PRDM16: variants seen among roughly 807,000 people sequenced by gnomAD.
The protein encoded by PRDM16 is histone-lysine N-methyltransferase PRDM16.
PRDM16 carries 23 observed loss-of-function variants against 110.6 expected under a neutral mutation model. The ratio of observed to expected loss-of-function variants is 0.21; its 90% CI spans 0.15 to 0.29. The LOEUF (loss-of-function observed/expected upper bound fraction) is 0.29, where lower values mean the gene tolerates loss of function less well. Ranked by LOEUF, PRDM16 falls within the 10% of genes least tolerant of loss-of-function variation. The pLI is 1.00. For synonymous variants in PRDM16, 799 were observed against 781.8 expected, an observed-to-expected ratio of 1.02 and a Z score of -0.37; for missense variants, 1,615 against 1,794.3, an observed-to-expected ratio of 0.90 and a Z score of 1.81.
At position 3,245,396 on chromosome 1, in the gene PRDM16, G is replaced by A. The variant is rs1293169975; in HGVS notation, c.438+1259G>A. 1.3e-5 allele frequency among the ~76,000 whole-genome samples: 2 copies of A among 152,222 alleles called. No individual in the cohort carries two copies. The highest frequency in any genetic ancestry group is 4.8e-5 in the African/African-American group (2 of 41,448). On this transcript the variant is annotated intron_variant, in intron 3 of 16. Transcript: ENST00000270722. This position sits in a 1 kb window ranked among gnomAD's most constrained non-coding sequence, Gnocchi z 4.7. The stretch of plus-strand genomic sequence containing the variant: ...GGCAGAGCTATCCGCAAAGCACAGG[G>A]GGACCTGACCCTTCTCTCCAGGTTC...
At chr1:3,416,049 G>C (rs1435221711) in intron 10 of PRDM16, among the ~76,000 whole-genome samples, 1 of 152,246 alleles carries the variant, frequency 6.6e-6, no homozygotes, top group Admixed American at 6.5e-5. Context: ...GCCTCGCAGG[G>C]GCGGGAGAAG....
intron 3 of PRDM16, among the ~76,000 whole-genome samples, chr1:3,299,081 T>G (rs778280806): frequency 6.6e-6 from 1 of 152,260 alleles, no homozygotes; most frequent in African/African-American, 2.4e-5. Flanking sequence ...CTCAAGACAC[T>G]GGCTCGGCCC....
chr1:3,105,776 G>T (rs966514687), intron 1 of PRDM16, among the ~76,000 whole-genome samples: 2 of 152,244 alleles, frequency 1.3e-5, no homozygotes, highest in African/African-American at 2.4e-5. Flanking sequence ...CCCTGAGAAC[G>T]GGGCTAGCAG....
At chr1:3,260,783 G>A (rs1194403902) in intron 3 of PRDM16, among the ~76,000 whole-genome samples, 1 of 146,028 alleles carries the variant, frequency 6.8e-6, no homozygotes, top group Non-Finnish European at 1.5e-5. Flanking sequence ...GGGAGATGAT[G>A]ATGATGGCAA....
At chr1:3,085,539 T>A (rs1642129137) in intron 1 of PRDM16, among the ~76,000 whole-genome samples, 1 of 152,234 alleles carries the variant, frequency 6.6e-6, no homozygotes, top group Admixed American at 6.5e-5. Context: ...TGGCACCCAC[T>A]GTTCAAAAGC....
chr1:3,356,380 C>T (rs1642601841), intron 3 of PRDM16, among the ~76,000 whole-genome samples: 1 of 152,198 alleles, frequency 6.6e-6, no homozygotes, highest in Non-Finnish European at 1.5e-5. Flanking sequence ...GCCGTCTCAT[C>T]AGGCGGAGGG....
chr1:3,298,657 T>G (rs551978302), intron 3 of PRDM16, among the ~76,000 whole-genome samples: 13 of 152,128 alleles, frequency 8.5e-5, no homozygotes, highest in South Asian at 4.1e-4. Context: ...CTCTCCTGCT[T>G]GTTCAGTGCC....
chr1:3,417,899 C>T lies in PRDM16; in HGVS notation c.2763C>T (p.Ser921=), dbSNP rs1310673567. 2 of 1,612,900 alleles carry T rather than the reference C, an allele frequency of 1.2e-6. No individual in the cohort carries two copies. The highest frequency in any genetic ancestry group is 2.2e-5 in the East Asian group (1 of 44,876). The change falls in exon 11 of 17, where the codon TCC becomes TCT. Residue 921 remains serine (S), a synonymous_variant. Transcript: ENST00000270722. ...CCATGAAGGCGGACTCGGGCAGCTC[C>T]CTGCAGCCCCTCCCCCACCACCCCT... is the stretch of plus-strand genomic sequence containing the variant. ...FAAMKADSGS[S]LQPLPHHPFN...
At chr1:3,088,895 G>T (rs1284476145) in intron 1 of PRDM16, among the ~76,000 whole-genome samples, 1 of 152,008 alleles carries the variant, frequency 6.6e-6, no homozygotes, top group East Asian at 1.9e-4. Flanking sequence ...CGATTCTTCT[G>T]CCTCAGCCTC....
intron 1 of PRDM16, among the ~76,000 whole-genome samples, chr1:3,164,279 C>G (rs1449507572): frequency 6.6e-6 from 1 of 152,216 alleles, no homozygotes; most frequent in Non-Finnish European, 1.5e-5. Flanking sequence ...GGTTGGCGAA[C>G]AGTGTAATAG....
rs10909908 is a variant in PRDM16 at position 3,243,361 on chromosome 1, T to G, written c.388-726T>G. On this transcript the variant is annotated intron_variant, in intron 2 of 16. Transcript: ENST00000270722. The surrounding 1 kb of genome is among the most constrained non-coding windows in gnomAD (Gnocchi z 5.5). Reference sequence around the variant, plus strand: ...GGGAGTGAAGAGCCAGTTAAAACACTCCCACCTCTGATTTGCCAAAAAAAA... The same window carrying G: ...GGGAGTGAAGAGCCAGTTAAAACACGCCCACCTCTGATTTGCCAAAAAAAA... 6.1e-4 allele frequency among the ~76,000 whole-genome samples: 77 copies of G among 125,276 alleles called. No homozygotes were observed. Among genetic ancestry groups the G allele is most frequent in the African/African-American group, 2.2e-3 (71 of 31,938 alleles). 82.2% of individuals were successfully genotyped at this position (125,276 alleles called of 152,430 possible).
At chr1:3,096,739 G>A in intron 1 of PRDM16, among the ~76,000 whole-genome samples, 1 of 152,126 alleles carries the variant, frequency 6.6e-6, no homozygotes, top group Non-Finnish European at 1.5e-5. Context: ...ATGGTGAGTG[G>A]GCCCTCTCCC....
intron 1 of PRDM16, among the ~76,000 whole-genome samples, chr1:3,162,938 C>T (rs1483174340): frequency 8.2e-6 from 1 of 122,548 alleles, no homozygotes; most frequent in South Asian, 3.2e-4. Context: ...AGGGGATGTG[C>T]GCAGAAGCCC....
chr1:3,351,532 C>CCTTCTCTCTCCCCTTCCCTCTCT, intron 3 of PRDM16, among the ~76,000 whole-genome samples: 1 of 2,724 alleles, frequency 3.7e-4, no homozygotes. Context: ...CCGTCTCTGT[C>CCTTCTCTCTCCCCTTCCCTCTCT]CCCCTCCCTC....
rs1299836091 is a variant in PRDM16 at position 3,143,548 on chromosome 1, G to A, written c.38-42577G>A. Among the ~76,000 whole-genome samples the A allele has an allele frequency of 1.3e-5, 2 of 152,112 alleles. No individual in the cohort carries two copies. Among genetic ancestry groups the A allele is most frequent in the Non-Finnish European group, 2.9e-5 (2 of 68,016 alleles). On this transcript the variant is annotated intron_variant, in intron 1 of 16. Transcript: ENST00000270722. This position sits in a 1 kb window ranked among gnomAD's most constrained non-coding sequence, Gnocchi z 4.5. ...GCTGGAGTGCACTGGCGCAATCTCC[G>A]CTCACTGCAGTCTCTGCCTCCCGGG...
chr1:3,328,119 C>G (rs947804573), intron 3 of PRDM16, among the ~76,000 whole-genome samples: 17 of 152,222 alleles, frequency 1.1e-4, no homozygotes, highest in Non-Finnish European at 2.2e-4. Context: ...AGGCGAGGCC[C>G]CTGCCGGGCC....
At chr1:3,421,161 T>C (rs914139883) in intron 12 of PRDM16, among the ~76,000 whole-genome samples, 10 of 152,168 alleles carry the variant, frequency 6.6e-5, no homozygotes, top group African/African-American at 2.4e-4. Context: ...TCCTCTTCCC[T>C]CACTTTTACA....
chr1:3,187,053 G>T (rs1299360906), intron 2 of PRDM16, among the ~76,000 whole-genome samples: 2 of 152,246 alleles, frequency 1.3e-5, no homozygotes, highest in African/African-American at 4.8e-5. Flanking sequence ...GGCCTTGAGG[G>T]TCTGAAGCTG....
In PRDM16 at chr1:3,358,515, G is replaced by T. The variant is rs1642654336; in HGVS notation, c.439-26637G>T. On this transcript the variant is annotated intron_variant, in intron 3 of 16. Coordinates refer to ENST00000270722, the MANE Select transcript of PRDM16 (RefSeq NM_022114.4). This position sits in a 1 kb window ranked among gnomAD's most constrained non-coding sequence, Gnocchi z 4.0. ...CGGCTTCGGATGCAGCTGGAATAAG[G>T]TTCCAGTGTTCCCTTTCCCGTCACC... 6.6e-6 allele frequency among the ~76,000 whole-genome samples: 1 copy of T among 152,156 alleles called. No individual in the cohort carries two copies. The highest frequency in any genetic ancestry group is 2.4e-5 in the African/African-American group (1 of 41,426).
Sources: allele counts gnomAD v4.1 joint callset (sites outside exome capture counted in the v4.1 genomes callset), GRCh38; gene constraint gnomAD v4.1.1; non-coding constraint Gnocchi (gnomAD v3.1); transcripts MANE v1.5; gene names NCBI Gene and HGNC (gene_info 2026-07-23, HGNC 2026-07-21).